Variants in LRCH1 observed in about 807,000 individuals in gnomAD.
LRCH1 encodes the protein leucine-rich repeat and calponin homology domain-containing protein 1.
A neutral mutation model predicts 94.9 loss-of-function variants in LRCH1; 23 were observed. The observed-to-expected ratio is 0.24, with a 90% CI of 0.17 to 0.34. The LOEUF (loss-of-function observed/expected upper bound fraction) is 0.34. Among genes scored for constraint, LRCH1 ranks in the 10% least tolerant of loss-of-function variants. The probability of loss-of-function intolerance (pLI) is 1.00; values close to 1 mark genes in which losing one functional copy is unlikely to be tolerated. For missense variants in LRCH1, 790 were observed against 945.9 expected (o/e 0.84, Z 2.16); for synonymous variants, 364 against 354.9 (o/e 1.03, Z -0.29).
chr13:46,688,573 C>A (rs1250469508), intron 6 of LRCH1, among the ~76,000 whole-genome samples: 1 of 152,170 alleles, frequency 6.6e-6, no homozygotes, highest in Non-Finnish European at 1.5e-5. Flanking sequence ...TATAGAAATG[C>A]AGGTTCTTTT....
intron 1 of LRCH1, among the ~76,000 whole-genome samples, chr13:46,597,700 T>C (rs1174223157): frequency 1.3e-5 from 2 of 152,126 alleles, no homozygotes; most frequent in Admixed American, 6.5e-5. Flanking sequence ...ATGTGCCTTA[T>C]AGGGAAAAAT....
At chr13:46,657,437 A>AT (rs1349050768) in intron 2 of LRCH1, among the ~76,000 whole-genome samples, 1 of 136,954 alleles carries the variant, frequency 7.3e-6, no homozygotes, top group African/African-American at 2.7e-5. Context: ...GATTTTGGGG[A>AT]TCATCACCAC....
chr13:46,660,525 G>C (rs1443043366), intron 2 of LRCH1, among the ~76,000 whole-genome samples: 1 of 152,108 alleles, frequency 6.6e-6, no homozygotes, highest in Admixed American at 6.6e-5. Flanking sequence ...CACACATTTT[G>C]TATTTTCTCT....
chr13:46,739,521 G>A (rs1206609461), intron 19 of LRCH1, among the ~76,000 whole-genome samples: 2 of 152,260 alleles, frequency 1.3e-5, no homozygotes, highest in East Asian at 3.9e-4. Context: ...ATTTTGGAAA[G>A]CACAAAGGGC....
chr13:46,740,710 A>G (rs1873606591), intron 19 of LRCH1, among the ~76,000 whole-genome samples: 1 of 152,250 alleles, frequency 6.6e-6, no homozygotes, highest in Admixed American at 6.5e-5. Flanking sequence ...TATATCAATT[A>G]TAATTCCTGT....
At chr13:46,669,519 C>G (rs2051569115) in intron 3 of LRCH1, among the ~76,000 whole-genome samples, 1 of 152,134 alleles carries the variant, frequency 6.6e-6, no homozygotes. Flanking sequence ...GGCCACACTT[C>G]ATGAAGGTAT....
In LRCH1 at chr13:46,553,200, C is replaced by T. The variant is rs1377022998; in HGVS notation, c.-197C>T. The T allele has an allele frequency of 1.7e-6, 1 of 573,624 alleles. No individual in the cohort carries two copies. The highest frequency in any genetic ancestry group is 3.1e-6 in the Non-Finnish European group (1 of 327,148). 35.5% of individuals were successfully genotyped at this position (573,624 alleles called of 1,614,324 possible). On this transcript the variant is annotated 5_prime_UTR_variant, in exon 1 of 20. Transcript: ENST00000389797. Reference sequence around the variant, plus strand: ...CCTTAGCTTCCCGGGGACAGGAAACCTTCAAGACCGAGCTGCCACGGCCGC... The same window carrying T: ...CCTTAGCTTCCCGGGGACAGGAAACTTTCAAGACCGAGCTGCCACGGCCGC...
At chr13:46,717,575 T>A (rs1463293496) in intron 16 of LRCH1, 1 of 152,236 alleles carries the variant, frequency 6.6e-6, no homozygotes, top group East Asian at 1.9e-4. Context: ...CTTTTATGTT[T>A]ATCTTCATTC....
At chr13:46,725,529 A>G (rs553582940) in intron 17 of LRCH1, among the ~76,000 whole-genome samples, 1 of 152,328 alleles carries the variant, frequency 6.6e-6, no homozygotes, top group South Asian at 2.1e-4. Flanking sequence ...TTGGGGAGAG[A>G]TAGTAAATAA....
intron 3 of LRCH1, among the ~76,000 whole-genome samples, chr13:46,673,340 A>G (rs1286600275): frequency 1.3e-5 from 2 of 152,232 alleles, no homozygotes; most frequent in East Asian, 1.9e-4. Context: ...CAAAAATTTA[A>G]TAAGTGGTCA....
chr13:46,604,265 A>G (rs1489040854), intron 1 of LRCH1, among the ~76,000 whole-genome samples: 1 of 152,194 alleles, frequency 6.6e-6, no homozygotes, highest in African/African-American at 2.4e-5. Context: ...TGGCAACCCT[A>G]ACTGGGGTGG....
chr13:46,589,757 C>T (rs1307441177), intron 1 of LRCH1, among the ~76,000 whole-genome samples: 2 of 151,914 alleles, frequency 1.3e-5, no homozygotes, highest in African/African-American at 4.8e-5. Flanking sequence ...CCCACCAACA[C>T]GCCCAGCTAA....
At chr13:46,701,535 C>T (rs548777638) in intron 11 of LRCH1, among the ~76,000 whole-genome samples, 2 of 151,992 alleles carry the variant, frequency 1.3e-5, no homozygotes, top group Admixed American at 6.6e-5. Flanking sequence ...AAAGTTTAAA[C>T]CCCTGATTTA....
At chr13:46,558,931 T>A (rs1195232847) in intron 1 of LRCH1, among the ~76,000 whole-genome samples, 2 of 152,324 alleles carry the variant, frequency 1.3e-5, no homozygotes, top group Middle Eastern at 6.8e-3. Context: ...TGTCAGCCTG[T>A]GGGAATAACA....
At chr13:46,671,913 C>G (rs761766329) in intron 3 of LRCH1, among the ~76,000 whole-genome samples, 1 of 152,180 alleles carries the variant, frequency 6.6e-6, no homozygotes, top group Admixed American at 6.5e-5. Flanking sequence ...TGAACCTATC[C>G]GGACACATCA....
At chr13:46,681,667 A>T in intron 3 of LRCH1, 74 bp from the exon 4 acceptor site, 2 of 999,506 alleles carry the variant, frequency 2.0e-6, no homozygotes, top group South Asian at 1.3e-5. Flanking sequence ...TAAATTCCTT[A>T]AGGAGATTTC....
chr13:46,654,622 A>G (rs538679068), intron 2 of LRCH1, among the ~76,000 whole-genome samples: 1 of 152,348 alleles, frequency 6.6e-6, no homozygotes, highest in African/African-American at 2.4e-5. Context: ...AATGCAGGAC[A>G]TTATCATTAA....
intron 1 of LRCH1, among the ~76,000 whole-genome samples, chr13:46,634,982 G>A (rs1265925293): frequency 6.6e-6 from 1 of 152,198 alleles, no homozygotes; most frequent in Non-Finnish European, 1.5e-5. Context: ...TCTGGGACCA[G>A]AGCTGCAGAA....
chr13:46,743,693 C>A lies in LRCH1; in HGVS notation c.*1845C>A, dbSNP rs549356409. On this transcript the variant is annotated 3_prime_UTR_variant, in exon 20 of 20. Transcript: ENST00000389797. ...CATTGAGGCTTCTCTTTAATGGTCA[C>A]CACTGTGGTGGTTTTTCCCTTCTTT... 45 of 984,724 alleles carry A rather than the reference C, an allele frequency of 4.6e-5. No homozygotes were observed. The African/African-American group carries it at 7.0e-4, about 15-fold the overall frequency. 61.0% of individuals were successfully genotyped at this position (984,724 alleles called of 1,614,324 possible).
Sources: allele counts gnomAD v4.1 joint callset (sites outside exome capture counted in the v4.1 genomes callset), GRCh38; gene constraint gnomAD v4.1.1; transcripts MANE v1.5; gene names NCBI Gene and HGNC (gene_info 2026-07-23, HGNC 2026-07-21).